The following GRIK1 variants were observed in gnomAD, a reference collection of about 807,000 sequenced individuals.
GRIK1 encodes glutamate receptor ionotropic, kainate 1.
In GRIK1, 69 loss-of-function variants were observed where a neutral mutation model predicts 105.7. The ratio of observed to expected loss-of-function variants is 0.65; its 90% CI spans 0.54 to 0.80. The LOEUF (loss-of-function observed/expected upper bound fraction) is 0.80, where lower values mean the gene tolerates loss of function less well. Ranked by LOEUF, GRIK1 falls within the 30% of genes least tolerant of loss-of-function variation. The probability of loss-of-function intolerance (pLI) is 0.00; values close to 1 mark genes in which losing one functional copy is unlikely to be tolerated. For synonymous variants in GRIK1, 438 were observed against 431.3 expected (o/e 1.02, Z -0.19); for missense variants, 1,109 against 1,167.3 (o/e 0.95, Z 0.73).
At chr21:29,630,958 C>A (rs148746723) in intron 7 of GRIK1, among the ~76,000 whole-genome samples, 284 of 152,068 alleles carry the variant, frequency 1.9e-3, no homozygotes, top group African/African-American at 6.8e-3. Context: ...CTATGCCCAG[C>A]TAATTTTTTT....
chr21:29,842,997 A>T (rs1400546915), intron 1 of GRIK1, among the ~76,000 whole-genome samples: 1 of 152,136 alleles, frequency 6.6e-6, no homozygotes, highest in African/African-American at 2.4e-5. Flanking sequence ...TGACTCTACA[A>T]TCCAATTATT....
At chr21:29,626,114 T>C (rs984065427) in intron 7 of GRIK1, among the ~76,000 whole-genome samples, 2 of 152,176 alleles carry the variant, frequency 1.3e-5, no homozygotes, top group African/African-American at 4.8e-5. Flanking sequence ...AAAAGAAATT[T>C]GTTTATCACA....
At chr21:29,892,221 T>A (rs2069928349) in intron 1 of GRIK1, among the ~76,000 whole-genome samples, 1 of 152,130 alleles carries the variant, frequency 6.6e-6, no homozygotes, top group Non-Finnish European at 1.5e-5. Flanking sequence ...AATACCAAAG[T>A]CTGGAGTTGT....
intron 7 of GRIK1, 45 bp downstream of exon 7, chr21:29,642,781 A>G (rs375543800): frequency 1.9e-6 from 3 of 1,589,592 alleles, no homozygotes; most frequent in African/African-American, 1.3e-5. Context: ...GGCAAGCCCA[A>G]CAGTGCTCAG....
chr21:29,841,363 C>T (rs2067978602), intron 1 of GRIK1, among the ~76,000 whole-genome samples: 2 of 152,172 alleles, frequency 1.3e-5, no homozygotes, highest in East Asian at 1.9e-4. Flanking sequence ...AATTTAGATC[C>T]CATGGCAGAG....
chr21:29,889,234 A>G (rs575841636), intron 1 of GRIK1, among the ~76,000 whole-genome samples: 67 of 152,348 alleles, frequency 4.4e-4, no homozygotes, highest in African/African-American at 1.5e-3. Flanking sequence ...AAGTTAGAAT[A>G]CAATGAGAGT....
intron 1 of GRIK1, among the ~76,000 whole-genome samples, chr21:29,759,507 C>T (rs1364242793): frequency 1.3e-5 from 2 of 152,126 alleles, no homozygotes; most frequent in African/African-American, 2.4e-5. Flanking sequence ...GAATATAGTG[C>T]CTGGCACAGC....
intron 6 of GRIK1, among the ~76,000 whole-genome samples, chr21:29,650,017 C>T (rs1374785781): frequency 6.6e-6 from 1 of 152,224 alleles, no homozygotes; most frequent in Non-Finnish European, 1.5e-5. Context: ...CCTGGATATT[C>T]TCTACTTGCT....
chr21:29,736,636 T>C lies in GRIK1; in HGVS notation c.119-42573A>G, dbSNP rs1479677983. On this transcript the variant is annotated intron_variant, in intron 1 of 17. Coordinates refer to ENST00000327783, the MANE Select transcript of GRIK1 (RefSeq NM_001330994.2). ...GAAAGTTTACTTTAGACTTTAACAA[T>C]GCTTGTTTTGGTCTTCACATTTTCT... 4.6e-5 allele frequency among the ~76,000 whole-genome samples: 7 copies of C among 152,154 alleles called. No homozygotes were observed. The East Asian group carries it at 7.7e-4, about 17-fold the overall frequency.
chr21:29,720,869 A>T (rs1044767649), intron 1 of GRIK1, among the ~76,000 whole-genome samples: 1 of 152,196 alleles, frequency 6.6e-6, no homozygotes, highest in Non-Finnish European at 1.5e-5. Context: ...GTCACCACAA[A>T]GAGCCTCCTT....
chr21:29,740,225 T>G (rs2064892411), intron 1 of GRIK1, among the ~76,000 whole-genome samples: 1 of 149,684 alleles, frequency 6.7e-6, no homozygotes. Flanking sequence ...TCCTTTTCTT[T>G]TTTTTTTTTT....
intron 1 of GRIK1, among the ~76,000 whole-genome samples, chr21:29,781,935 G>T (rs989890049): frequency 2.6e-5 from 4 of 151,474 alleles, no homozygotes; most frequent in Admixed American, 6.6e-5. Flanking sequence ...CTCCCAAAGT[G>T]CTGGGATTAC....
chr21:29,756,709 A>C (rs1458962699), intron 1 of GRIK1, among the ~76,000 whole-genome samples: 1 of 152,050 alleles, frequency 6.6e-6, no homozygotes, highest in Non-Finnish European at 1.5e-5. Flanking sequence ...ACAAAAAAAC[A>C]AAAAAAACTA....
chr21:29,903,452 C>A (rs1162056826), intron 1 of GRIK1, among the ~76,000 whole-genome samples: 1 of 152,074 alleles, frequency 6.6e-6, no homozygotes, highest in Non-Finnish European at 1.5e-5. Flanking sequence ...AAGCAAACAA[C>A]CTCATCAAAA....
chr21:29,758,033 A>G (rs937265861), intron 1 of GRIK1, among the ~76,000 whole-genome samples: 1 of 152,240 alleles, frequency 6.6e-6, no homozygotes, highest in Non-Finnish European at 1.5e-5. Flanking sequence ...AGTGAAGGTC[A>G]TGAAGGTGGG....
chr21:29,613,005 C>G (rs140293864), intron 7 of GRIK1, among the ~76,000 whole-genome samples: 22 of 152,302 alleles, frequency 1.4e-4, no homozygotes, highest in African/African-American at 5.1e-4. Flanking sequence ...TGAATCTTGG[C>G]TCTATCTTTG....
chr21:29,844,616 G>A (rs962217126), intron 1 of GRIK1, among the ~76,000 whole-genome samples: 3 of 152,140 alleles, frequency 2.0e-5, no homozygotes, highest in African/African-American at 7.2e-5. Flanking sequence ...GACACATTAT[G>A]GATTTTTACT....
chr21:29,661,020 TCTATA>T (rs1568945467), intron 4 of GRIK1, among the ~76,000 whole-genome samples: 1 of 151,766 alleles, frequency 6.6e-6, no homozygotes, highest in African/African-American at 2.4e-5. Flanking sequence ...TTAGGCTGCA[TCTATA>T]CTATCCTCTG....
At chr21:29,820,195 GA>G (rs1256669664) in intron 1 of GRIK1, among the ~76,000 whole-genome samples, 2 of 152,050 alleles carry the variant, frequency 1.3e-5, no homozygotes, top group Non-Finnish European at 2.9e-5. Flanking sequence ...GTTAATCCTT[GA>G]AAAAGTGTCT....
Sources: gnomAD v4.1 joint callset for allele counts (sites outside exome capture counted in the v4.1 genomes callset) on GRCh38, gnomAD v4.1.1 for gene constraint, MANE v1.5 for transcripts, NCBI Gene and HGNC (gene_info 2026-07-23, HGNC 2026-07-21) for gene names.